PLCB4: variants seen among roughly 807,000 people sequenced by gnomAD.
The protein encoded by PLCB4 is phospholipase C beta 4.
A neutral mutation model predicts 178.8 loss-of-function variants in PLCB4; 77 were observed. That is an observed-to-expected ratio of 0.43 (90% CI 0.36 to 0.52). The LOEUF is 0.52. Ranked by LOEUF, PLCB4 falls within the 20% of genes least tolerant of loss-of-function variation. The pLI is 0.00. For synonymous variants in PLCB4, 496 were observed against 490.8 expected, an observed-to-expected ratio of 1.01 and a Z score of -0.14; for missense variants, 1,024 against 1,453.4, an observed-to-expected ratio of 0.70 and a Z score of 4.80.
At chr20:9,183,410 C>T (rs181298340) in intron 2 of PLCB4, among the ~76,000 whole-genome samples, 7 of 152,068 alleles carry the variant, frequency 4.6e-5, no homozygotes, top group Non-Finnish European at 7.4e-5. Context: ...CCAGGTAGAG[C>T]GGGAGGCATG....
intron 3 of PLCB4, among the ~76,000 whole-genome samples, chr20:9,278,488 A>G (rs2094468261): frequency 6.6e-6 from 1 of 152,088 alleles, no homozygotes; most frequent in South Asian, 2.1e-4. Flanking sequence ...ACAAAGTTCC[A>G]AAATTAAATT....
At chr20:9,114,504 A>G (rs375191033) in intron 2 of PLCB4, among the ~76,000 whole-genome samples, 3 of 152,188 alleles carry the variant, frequency 2.0e-5, no homozygotes, top group Non-Finnish European at 4.4e-5. Context: ...AGCTCACTGC[A>G]TTAAGATGAA....
At chr20:9,171,670 A>T (rs1568888042) in intron 2 of PLCB4, among the ~76,000 whole-genome samples, 1 of 152,234 alleles carries the variant, frequency 6.6e-6, no homozygotes, top group Non-Finnish European at 1.5e-5. Flanking sequence ...AATTCAGGTT[A>T]TAAATTTAAG....
chr20:9,114,706 C>CAAATTAA (rs1038816601), intron 2 of PLCB4, among the ~76,000 whole-genome samples: 2 of 152,140 alleles, frequency 1.3e-5, no homozygotes, highest in African/African-American at 4.8e-5. Flanking sequence ...CAGTTGTTGT[C>CAAATTAA]AGCACTCTTC....
chr20:9,239,940 G>A (rs1394393034), intron 3 of PLCB4, among the ~76,000 whole-genome samples: 5 of 152,172 alleles, frequency 3.3e-5, no homozygotes, highest in Non-Finnish European at 7.3e-5. Flanking sequence ...TGGAAGACTC[G>A]CAAGTCTGCT....
intron 2 of PLCB4, among the ~76,000 whole-genome samples, chr20:9,175,408 G>A (rs1030927721): frequency 6.6e-6 from 1 of 152,126 alleles, no homozygotes; most frequent in African/African-American, 2.4e-5. Flanking sequence ...CCGATAAACA[G>A]TGCACTAAAG....
At chr20:9,174,663 C>T (rs1212763655) in intron 2 of PLCB4, among the ~76,000 whole-genome samples, 1 of 152,056 alleles carries the variant, frequency 6.6e-6, no homozygotes, top group East Asian at 1.9e-4. Context: ...TCCTTGTTTT[C>T]CAACTTTTAA....
chr20:9,401,355 A>T, intron 19 of PLCB4, 135 bp from the exon 20 acceptor site: 1 of 639,476 alleles, frequency 1.6e-6, no homozygotes, highest in South Asian at 1.9e-5. Flanking sequence ...AAAATACTGC[A>T]TATATCAATG....
intron 3 of PLCB4, among the ~76,000 whole-genome samples, chr20:9,274,828 T>G (rs1036843534): frequency 4.6e-5 from 7 of 152,096 alleles, no homozygotes; most frequent in Non-Finnish European, 7.4e-5. Flanking sequence ...GGTTTTCAAG[T>G]AGTAAAATTC....
At chr20:9,139,857 G>T (rs1426340951) in intron 2 of PLCB4, among the ~76,000 whole-genome samples, 2 of 152,076 alleles carry the variant, frequency 1.3e-5, no homozygotes, top group East Asian at 1.9e-4. Flanking sequence ...CATATTGGTT[G>T]CTGACCATCC....
intron 28 of PLCB4, among the ~76,000 whole-genome samples, chr20:9,425,802 T>C (rs1382686793): frequency 6.6e-6 from 1 of 152,254 alleles, no homozygotes; most frequent in Non-Finnish European, 1.5e-5. Context: ...TTATTTTATA[T>C]GTGAAGAAAC....
chr20:9,419,797 G>A lies in PLCB4; in HGVS notation c.2052-10G>A, dbSNP rs2040499959. Reference sequence around the variant, plus strand: ...CCTACTAATAAACTTCTATGCTATTGTCCTACCAGGTACCTTCTCAAACCA... The same window carrying A: ...CCTACTAATAAACTTCTATGCTATTATCCTACCAGGTACCTTCTCAAACCA... On this transcript the variant is annotated splice_polypyrimidine_tract_variant and intron_variant, in intron 25 of 39. Transcript: ENST00000378473. 3 of 1,572,826 alleles carry A rather than the reference G, an allele frequency of 1.9e-6. No homozygotes were observed. In the East Asian group the frequency reaches 6.7e-5, roughly 35 times the overall value.
At chr20:9,148,751 A>G (rs966813724) in intron 2 of PLCB4, among the ~76,000 whole-genome samples, 1 of 152,206 alleles carries the variant, frequency 6.6e-6, no homozygotes, top group Non-Finnish European at 1.5e-5. Context: ...ATGAAATCCT[A>G]ACCATTTAGC....
intron 4 of PLCB4, among the ~76,000 whole-genome samples, chr20:9,333,230 A>G (rs2031958929): frequency 6.6e-6 from 1 of 152,174 alleles, no homozygotes; most frequent in Admixed American, 6.6e-5. Flanking sequence ...CTAGAACACA[A>G]AGGTAAACAA....
chr20:9,257,101 A>G (rs531526407), intron 3 of PLCB4, among the ~76,000 whole-genome samples: 1 of 152,328 alleles, frequency 6.6e-6, no homozygotes, highest in South Asian at 2.1e-4. Flanking sequence ...GAGCAATTAA[A>G]TAGGCACACA....
At chr20:9,309,695 GT>G (rs1568563582) in intron 4 of PLCB4, among the ~76,000 whole-genome samples, 1 of 152,162 alleles carries the variant, frequency 6.6e-6, no homozygotes, top group African/African-American at 2.4e-5. Context: ...GCAATCATTG[GT>G]TCAGTATATC....
chr20:9,099,529 C>T (rs1025855601), intron 2 of PLCB4, among the ~76,000 whole-genome samples: 1 of 151,950 alleles, frequency 6.6e-6, no homozygotes, highest in Admixed American at 6.6e-5. Flanking sequence ...TTCACATGCT[C>T]ATTAGCTACA....
At chr20:9,398,038 G>C (rs1358911762) in intron 19 of PLCB4, among the ~76,000 whole-genome samples, 2 of 152,144 alleles carry the variant, frequency 1.3e-5, no homozygotes, top group African/African-American at 4.8e-5. Flanking sequence ...GGGCCTCACT[G>C]ACCATAGTAT....
At chr20:9,183,248 C>G (rs915188889) in intron 2 of PLCB4, among the ~76,000 whole-genome samples, 1 of 152,110 alleles carries the variant, frequency 6.6e-6, no homozygotes, top group Non-Finnish European at 1.5e-5. Flanking sequence ...GTACCCCAAG[C>G]ATAATGGGGT....
Sources: gnomAD v4.1 joint callset for allele counts (sites outside exome capture counted in the v4.1 genomes callset) on GRCh38, gnomAD v4.1.1 for gene constraint, MANE v1.5 for transcripts, NCBI Gene and HGNC (gene_info 2026-07-23, HGNC 2026-07-21) for gene names.